The following RAP1A variants were observed in gnomAD, a reference collection of about 807,000 sequenced individuals.
The protein encoded by RAP1A is RAP1A, member of RAS oncogene family.
A neutral mutation model predicts 26.4 loss-of-function variants in RAP1A; 6 were observed. The observed-to-expected ratio is 0.23, with a 90% CI of 0.12 to 0.45. RAP1A has a LOEUF of 0.45. RAP1A is among the 20% of genes least tolerant of loss of function. The pLI is 0.99. For synonymous variants in RAP1A, 73 were observed against 79.4 expected (o/e 0.92, Z 0.43); for missense variants, 121 against 217.2 (o/e 0.56, Z 2.78).
chr1:111,630,628 A>G (rs1659541602), intron 1 of RAP1A, among the ~76,000 whole-genome samples: 1 of 152,222 alleles, frequency 6.6e-6, no homozygotes, highest in Admixed American at 6.5e-5. Context: ...GCTCGCTGAG[A>G]TGGTGATATT....
At chr1:111,546,118 A>G (rs1297165474) in intron 1 of RAP1A, among the ~76,000 whole-genome samples, 1 of 152,144 alleles carries the variant, frequency 6.6e-6, no homozygotes, top group East Asian at 1.9e-4. Context: ...GCATTTCCAC[A>G]TGGATTTTAG....
chr1:111,587,162 G>A (rs1658384902), intron 1 of RAP1A, among the ~76,000 whole-genome samples: 1 of 152,034 alleles, frequency 6.6e-6, no homozygotes. Context: ...TCTGCATCCA[G>A]GTGGCTACAA....
chr1:111,698,067 G>GT (rs1207701866), intron 4 of RAP1A, among the ~76,000 whole-genome samples: 1 of 152,086 alleles, frequency 6.6e-6, no homozygotes, highest in East Asian at 1.9e-4. Flanking sequence ...CATAATGTCT[G>GT]TTACACAGTA....
intron 1 of RAP1A, among the ~76,000 whole-genome samples, chr1:111,632,206 TTAG>T (rs1659587385): frequency 7.4e-6 from 1 of 135,274 alleles, no homozygotes; most frequent in African/African-American, 2.8e-5. Context: ...CATTTAATGG[TTAG>T]TAGGATAAAT....
chr1:111,650,786 C>T (rs1660241960), intron 1 of RAP1A, among the ~76,000 whole-genome samples: 1 of 151,832 alleles, frequency 6.6e-6, no homozygotes, highest in South Asian at 2.1e-4. Context: ...GATGTGTGTC[C>T]ACCTTATAGT....
chr1:111,646,026 ATAAT>A (rs1164011000), intron 1 of RAP1A, among the ~76,000 whole-genome samples: 1 of 152,246 alleles, frequency 6.6e-6, no homozygotes, highest in Non-Finnish European at 1.5e-5. Flanking sequence ...TGAAAAAAAG[ATAAT>A]TAATTTAGAT....
At chr1:111,637,254 T>C (rs1264406706) in intron 1 of RAP1A, among the ~76,000 whole-genome samples, 1 of 152,272 alleles carries the variant, frequency 6.6e-6, no homozygotes, top group Non-Finnish European at 1.5e-5. Context: ...TGTTTTACTT[T>C]TTCAATTAGT....
At chr1:111,591,470 G>A (rs1226900858) in intron 1 of RAP1A, among the ~76,000 whole-genome samples, 1 of 151,980 alleles carries the variant, frequency 6.6e-6, no homozygotes. Context: ...TAAAGCTTTT[G>A]TAAATTTCTC....
intron 1 of RAP1A, among the ~76,000 whole-genome samples, chr1:111,630,479 G>C (rs1482488890): frequency 6.6e-6 from 1 of 152,108 alleles, no homozygotes; most frequent in Non-Finnish European, 1.5e-5. Context: ...ACCACTGAAG[G>C]GTTGATGATA....
intron 2 of RAP1A, among the ~76,000 whole-genome samples, chr1:111,692,803 C>G (rs1254569352): frequency 1.3e-5 from 2 of 151,978 alleles, no homozygotes; most frequent in Non-Finnish European, 2.9e-5. Flanking sequence ...AGGGTAGATA[C>G]CTGTAAAATC....
chr1:111,617,399 A>G (rs1259045187), upstream of RAP1A, among the ~76,000 whole-genome samples: 1 of 151,824 alleles, frequency 6.6e-6, no homozygotes, highest in Non-Finnish European at 1.5e-5. Flanking sequence ...ATTTGAGGAC[A>G]CTCTTTCTCC....
chr1:111,615,406 C>T (rs1443470840), upstream of RAP1A, among the ~76,000 whole-genome samples: 1 of 151,772 alleles, frequency 6.6e-6, no homozygotes, highest in African/African-American at 2.4e-5. Context: ...AGGGTCGTGG[C>T]AATAGAGCTA....
intron 1 of RAP1A, among the ~76,000 whole-genome samples, chr1:111,584,585 C>T (rs547544922): frequency 6.6e-6 from 1 of 152,152 alleles, no homozygotes; most frequent in African/African-American, 2.4e-5. Flanking sequence ...TACTATTACA[C>T]TGAGTATTAG....
intron 1 of RAP1A, among the ~76,000 whole-genome samples, chr1:111,609,558 C>A (rs745497066): frequency 6.6e-6 from 1 of 152,138 alleles, no homozygotes; most frequent in Non-Finnish European, 1.5e-5. Flanking sequence ...GCTGGTGCTC[C>A]GCTCTGTGTC....
intron 1 of RAP1A, chr1:111,608,234 G>C (rs894709520): frequency 2.1e-5 from 3 of 139,720 alleles, no homozygotes; most frequent in African/African-American, 8.1e-5. Context: ...GGTCGCGGCC[G>C]GGTAGAGGCG....
rs546042188 is a variant in RAP1A, at chr1:111,713,165, T to C, written c.*764T>C. ...TTTATAGATTAAAGCGTTTATTTTATAATGACCACATTGTTTTAAATGCGA... is the reference window on the plus strand; with the variant it reads ...TTTATAGATTAAAGCGTTTATTTTACAATGACCACATTGTTTTAAATGCGA... On this transcript the variant is annotated 3_prime_UTR_variant, in exon 8 of 8. Coordinates refer to ENST00000369709, the MANE Select transcript of RAP1A (RefSeq NM_002884.4). The C allele has an allele frequency of 6.5e-6, 1 of 152,740 alleles. No homozygotes were observed. The highest frequency in any genetic ancestry group is 1.9e-4 in the East Asian group (1 of 5,194). 9.5% of individuals were successfully genotyped at this position (152,740 alleles called of 1,614,324 possible). A position where few individuals can be genotyped will look rare whatever the true frequency, so the allele number is the denominator to read the frequency against.
At chr1:111,650,167 G>T (rs1244976487) in intron 1 of RAP1A, among the ~76,000 whole-genome samples, 1 of 140,606 alleles carries the variant, frequency 7.1e-6, no homozygotes, top group Non-Finnish European at 1.5e-5. Context: ...TGTGAAAAAG[G>T]TAGGACAGAT....
At chr1:111,647,405 G>T (rs964991501) in intron 1 of RAP1A, among the ~76,000 whole-genome samples, 4 of 152,050 alleles carry the variant, frequency 2.6e-5, no homozygotes, top group African/African-American at 9.7e-5. Context: ...ATAATAGAAA[G>T]AAAGTGCACA....
intron 1 of RAP1A, among the ~76,000 whole-genome samples, chr1:111,676,307 G>T (rs1161180504): frequency 6.6e-6 from 1 of 152,180 alleles, no homozygotes; most frequent in Non-Finnish European, 1.5e-5. Flanking sequence ...AGTGAGCCGA[G>T]ATCATGCCAC....
Sources: allele counts gnomAD v4.1 joint callset (sites outside exome capture counted in the v4.1 genomes callset), GRCh38; gene constraint gnomAD v4.1.1; transcripts MANE v1.5; gene names NCBI Gene and HGNC (gene_info 2026-07-23, HGNC 2026-07-21).